Variants in TBC1D32 observed in about 807,000 individuals in gnomAD.
The protein encoded by TBC1D32 is protein broad-minded.
TBC1D32 carries 151 observed loss-of-function variants against 170.3 expected under a neutral mutation model. That is an observed-to-expected ratio of 0.89 (90% CI 0.78 to 1.01). The LOEUF is 1.01. TBC1D32 is among the 50% of genes least tolerant of loss of function. The pLI is 0.00. For missense variants in TBC1D32, 1,464 were observed against 1,457.1 expected, an observed-to-expected ratio of 1.00 and a Z score of -0.08; for synonymous variants, 498 against 488.0, an observed-to-expected ratio of 1.02 and a Z score of -0.27.
intron 5 of TBC1D32, among the ~76,000 whole-genome samples, chr6:121,305,929 C>T (rs920020453): frequency 1.3e-5 from 2 of 152,044 alleles, no homozygotes; most frequent in African/African-American, 4.8e-5. Flanking sequence ...AGTAATAAAA[C>T]TGAACCTTGC....
At chr6:121,307,236 A>G (rs1807465173) in intron 5 of TBC1D32, among the ~76,000 whole-genome samples, 2 of 151,848 alleles carry the variant, frequency 1.3e-5, no homozygotes, top group African/African-American at 4.8e-5. Flanking sequence ...TCAGCCAGGC[A>G]TGGTAGTGCA....
intron 20 of TBC1D32, among the ~76,000 whole-genome samples, chr6:121,233,622 G>A (rs35710769): frequency 0.024 from 3,665 of 152,194 alleles, 166 homozygotes; most frequent in East Asian, 0.12. Context: ...TGAGTCTCCT[G>A]AAGATAGCAG....
At chr6:121,283,699 G>A in intron 13 of TBC1D32, 119 bp downstream of exon 13, 1 of 667,408 alleles carries the variant, frequency 1.5e-6, no homozygotes, top group Non-Finnish European at 2.6e-6. Context: ...TCTTAATACT[G>A]TATCTTAATG....
chr6:121,226,206 G>A (rs1795038992), intron 20 of TBC1D32, among the ~76,000 whole-genome samples: 1 of 152,178 alleles, frequency 6.6e-6, no homozygotes, highest in Middle Eastern at 3.4e-3. Flanking sequence ...ATAAAGGCAT[G>A]GTCCCTGCCC....
In TBC1D32 at chr6:121,212,495, C is replaced by A. The variant is rs1322288567; in HGVS notation, c.2482-7332G>T. Among the ~76,000 whole-genome samples, 6 of 130,076 alleles carry A rather than the reference C, an allele frequency of 4.6e-5. No homozygotes were observed. The Admixed American group carries it at 5.7e-4, about 12-fold the overall frequency. 85.3% of individuals were successfully genotyped at this position (130,076 alleles called of 152,430 possible). ...TTGAGATGGAGTTTCCCTCTTGTTT[C>A]CCAGGCTGGAGTGTAGTGGCACAAT... On this transcript the variant is annotated intron_variant, in intron 21 of 31. Transcript: ENST00000398212.
At chr6:121,317,083 A>C (rs1809038800) in intron 3 of TBC1D32, among the ~76,000 whole-genome samples, 2 of 152,158 alleles carry the variant, frequency 1.3e-5, no homozygotes, top group African/African-American at 4.8e-5. Flanking sequence ...TTAATGTTTT[A>C]AAACTAACAA....
chr6:121,216,567 T>C (rs1444712571), intron 21 of TBC1D32, among the ~76,000 whole-genome samples: 1 of 152,144 alleles, frequency 6.6e-6, no homozygotes, highest in African/African-American at 2.4e-5. Context: ...GTCATTGGCG[T>C]GAACTGTTTA....
Position 121,100,285 on chromosome 6 carries a change from G to A in TBC1D32, c.3465+5738C>T, listed in dbSNP as rs183755399. 3.9e-4 allele frequency among the ~76,000 whole-genome samples: 59 copies of A among 151,990 alleles called. 2 individuals carry two copies. The highest frequency in any genetic ancestry group is 2.5e-3 in the East Asian group (13 of 5,160). ...AGTTCTGTAGATGTCTATTAGGTCC[G>A]ATTGGTGCAGAGCTGAGTTCAATTC... is the stretch of plus-strand genomic sequence containing the variant. On this transcript the variant is annotated intron_variant, in intron 30 of 31. Coordinates refer to ENST00000398212, the MANE Select transcript of TBC1D32 (RefSeq NM_152730.6).
intron 15 of TBC1D32, among the ~76,000 whole-genome samples, chr6:121,264,958 T>C (rs1464180119): frequency 6.6e-6 from 1 of 152,158 alleles, no homozygotes; most frequent in Admixed American, 6.5e-5. Context: ...GACAATATTA[T>C]ACTGAATGGA....
intron 5 of TBC1D32, among the ~76,000 whole-genome samples, chr6:121,307,510 A>G (rs1462261133): frequency 6.6e-6 from 1 of 152,196 alleles, no homozygotes; most frequent in African/African-American, 2.4e-5. Flanking sequence ...GTTAAGAAAA[A>G]TTTTGACAAT....
rs548745821 is a variant in TBC1D32 at position 121,197,677 on chromosome 6, G to A, written c.2570+7398C>T. Reference sequence around the variant, plus strand: ...AAGAAGGATAGCTGTATTATGTTAGGCGTAATTATGATCTTATTATTGTCT... The same window carrying A: ...AAGAAGGATAGCTGTATTATGTTAGACGTAATTATGATCTTATTATTGTCT... On this transcript the variant is annotated intron_variant, in intron 22 of 31. Coordinates refer to ENST00000398212, the MANE Select transcript of TBC1D32 (RefSeq NM_152730.6). Among the ~76,000 whole-genome samples, 4 of 152,236 alleles carry A rather than the reference G, an allele frequency of 2.6e-5. 1 individual carries two copies. In the East Asian group the frequency reaches 7.7e-4, roughly 29 times the overall value.
At chr6:121,150,519 A>C (rs1392011044) in intron 24 of TBC1D32, among the ~76,000 whole-genome samples, 1 of 152,152 alleles carries the variant, frequency 6.6e-6, no homozygotes, top group Non-Finnish European at 1.5e-5. Context: ...GGCCTCATGA[A>C]ATGAGTTGGG....
At position 121,215,472 on chromosome 6, in the gene TBC1D32, C is replaced by T. The variant is rs187987845; in HGVS notation, c.2481+7764G>A. On this transcript the variant is annotated intron_variant, in intron 21 of 31. Transcript: ENST00000398212. ...ACTGCCATCAATTTCATGACAAAGA[C>T]GCCAAAACCAATTGCGACAAGAGCA... Among the ~76,000 whole-genome samples the T allele has an allele frequency of 3.2e-3, 494 of 152,282 alleles. 4 individuals carry two copies. The highest frequency in any genetic ancestry group is 0.011 in the African/African-American group (437 of 41,550).
rs535010753 is a variant in TBC1D32 at position 121,300,232 on chromosome 6, A to C, written c.1081-727T>G. ...GATGAGGCGGGCAAATCACGAGGTC[A>C]GGAGTTCGAGTATGGTCTCGAAATG... is the stretch of plus-strand genomic sequence containing the variant. On this transcript the variant is annotated intron_variant, in intron 9 of 31. Coordinates refer to ENST00000398212, the MANE Select transcript of TBC1D32 (RefSeq NM_152730.6). Among the ~76,000 whole-genome samples the C allele has an allele frequency of 2.0e-3, 312 of 152,238 alleles. 1 individual carries two copies. Among genetic ancestry groups the C allele is most frequent in the African/African-American group, 7.2e-3 (300 of 41,534 alleles).
chr6:121,105,258 C>A (rs977514521), intron 30 of TBC1D32, among the ~76,000 whole-genome samples: 32 of 151,856 alleles, frequency 2.1e-4, no homozygotes, highest in African/African-American at 7.7e-4. Context: ...TTTGAAAAAA[C>A]CAAATACCCA....
chr6:121,144,423 T>C (rs58081323), intron 24 of TBC1D32, among the ~76,000 whole-genome samples: 13,193 of 151,846 alleles, frequency 0.087, 1,202 homozygotes, highest in African/African-American at 0.24. Flanking sequence ...AGTAGATGAG[T>C]GAGAGTGGTT....
At chr6:121,295,006 C>T (rs569432180) in intron 10 of TBC1D32, among the ~76,000 whole-genome samples, 102 of 152,098 alleles carry the variant, frequency 6.7e-4, no homozygotes, top group Non-Finnish European at 1.1e-3. Flanking sequence ...AGTTCCTTTG[C>T]CTTAGAATCT....
intron 24 of TBC1D32, among the ~76,000 whole-genome samples, chr6:121,134,208 T>C (rs1781762931): frequency 6.6e-6 from 1 of 152,146 alleles, no homozygotes; most frequent in Admixed American, 6.6e-5. Context: ...TTTCTTCTTC[T>C]ACTCATGTGT....
chr6:121,092,156 T>C (rs1234850838), intron 30 of TBC1D32, among the ~76,000 whole-genome samples: 1 of 152,154 alleles, frequency 6.6e-6, no homozygotes, highest in Non-Finnish European at 1.5e-5. Context: ...ACCAAGTTCA[T>C]GGTACTTTGT....
Sources: gnomAD v4.1 joint callset for allele counts (sites outside exome capture counted in the v4.1 genomes callset) on GRCh38, gnomAD v4.1.1 for gene constraint, MANE v1.5 for transcripts, NCBI Gene and HGNC (gene_info 2026-07-23, HGNC 2026-07-21) for gene names.